Variants in MYH10 observed in about 807,000 individuals in gnomAD.
MYH10 encodes myosin heavy chain 10.
MYH10 carries 55 observed loss-of-function variants against 257.8 expected under a neutral mutation model. The ratio of observed to expected loss-of-function variants is 0.21; its 90% CI spans 0.17 to 0.27. MYH10 has a LOEUF of 0.27. Ranked by LOEUF, MYH10 falls within the 10% of genes least tolerant of loss-of-function variation. The pLI is 1.00. For synonymous variants in MYH10, 854 were observed against 921.7 expected, an observed-to-expected ratio of 0.93 and a Z score of 1.33; for missense variants, 1,631 against 2,500.6, an observed-to-expected ratio of 0.65 and a Z score of 7.42.
intron 14 of MYH10, among the ~76,000 whole-genome samples, chr17:8,541,599 T>G (rs2082289517): frequency 6.6e-6 from 1 of 151,780 alleles, no homozygotes; most frequent in Non-Finnish European, 1.5e-5. Flanking sequence ...TTTCTGATGC[T>G]TTCTAAGATT....
In MYH10 at chr17:8,498,806, C is replaced by T. The variant is rs542835167; in HGVS notation, c.3951+464G>A. ...GAGGGTGCAGTGAGCAGAGATTGCG[C>T]CACTGCACTCCAGCCTGGGCAACAG... On this transcript the variant is annotated intron_variant, in intron 30 of 42. Transcript: ENST00000360416. Among the ~76,000 whole-genome samples, 352 of 152,148 alleles carry T rather than the reference C, an allele frequency of 2.3e-3. 1 individual carries two copies. Among genetic ancestry groups the T allele is most frequent in the Non-Finnish European group, 9.9e-4 (67 of 68,006 alleles).
At chr17:8,623,537 A>C (rs1056042157) in intron 1 of MYH10, 1 of 204,808 alleles carries the variant, frequency 4.9e-6, no homozygotes, top group African/African-American at 2.3e-5. Context: ...AAGAAAAGGC[A>C]AAGTTACAAG....
In MYH10 at chr17:8,604,189, TCACGTAG is replaced by T. The variant is rs560396100; in HGVS notation, c.502+630_502+636del. 6.4e-3 allele frequency among the ~76,000 whole-genome samples: 972 copies of T among 152,320 alleles called. 7 individuals carry two copies. Among genetic ancestry groups the T allele is most frequent in the African/African-American group, 0.022 (928 of 41,576 alleles). ...AGAGTTATTACAGAAGATTGGGTTT[TCACGTAG>T]CACCAGGAACTCCCATGTTTAAATG... is the stretch of plus-strand genomic sequence containing the variant. On this transcript the variant is annotated intron_variant, in intron 3 of 42. Coordinates refer to ENST00000360416, the MANE Select transcript of MYH10 (RefSeq NM_001256012.3).
rs773020148 is a variant in MYH10, at chr17:8,487,575, T to C, written c.4904A>G (p.Glu1635Gly). 4 of 1,614,158 alleles carry C rather than the reference T, an allele frequency of 2.5e-6. No individual in the cohort carries two copies. Among genetic ancestry groups the C allele is most frequent in the Admixed American group, 3.3e-5 (2 of 60,018 alleles). ...LIKQVRELEA[E>G]LEDERKQRAL... The stretch of plus-strand genomic sequence containing the variant: ...CCGCTGTTTCCTCTCATCCTCCAGC[T>C]CCGCCTCGAGCTCCCGCACCTAATG... Residue 1635 changes from glutamate to glycine, a missense_variant, in exon 36 of 43, where the codon GAG becomes GGG. Glu to Gly is a moderately conservative substitution (Grantham distance 98). Coordinates refer to ENST00000360416, the MANE Select transcript of MYH10 (RefSeq NM_001256012.3).
At chr17:8,565,060 T>C (rs754809971) in intron 7 of MYH10, among the ~76,000 whole-genome samples, 1 of 152,192 alleles carries the variant, frequency 6.6e-6, no homozygotes, top group Admixed American at 6.5e-5. Context: ...ATTGCTTTTA[T>C]TTTAAGTTTA....
rs190619960 is a variant in MYH10 at position 8,488,545 on chromosome 17, T to C, written c.4885-951A>G. On this transcript the variant is annotated intron_variant, in intron 35 of 42. Transcript: ENST00000360416. ...TAATAAATACCTGCACCCTATGTAG[T>C]GCAGTAGCAGCTGGAGGCTCAGCGA... Among the ~76,000 whole-genome samples, 47 of 152,348 alleles carry C rather than the reference T, an allele frequency of 3.1e-4. 1 individual carries two copies. The highest frequency in any genetic ancestry group is 2.3e-3 in the Admixed American group (35 of 15,302).
In MYH10 at chr17:8,539,373, A is replaced by G. The variant is rs186431984; in HGVS notation, c.1605+2734T>C. Reference sequence around the variant, plus strand: ...CATCCACGCCTGTAATACCTTCCACAACACTGCCAGCCTACTTTGTGGCCT... The same window carrying G: ...CATCCACGCCTGTAATACCTTCCACGACACTGCCAGCCTACTTTGTGGCCT... On this transcript the variant is annotated intron_variant, in intron 14 of 42. Transcript: ENST00000360416. 1.8e-3 allele frequency among the ~76,000 whole-genome samples: 275 copies of G among 152,284 alleles called. 4 individuals are homozygous for G. Among genetic ancestry groups the G allele is most frequent in the African/African-American group, 6.5e-3 (269 of 41,558 alleles).
intron 35 of MYH10, among the ~76,000 whole-genome samples, chr17:8,489,706 AAAACACACACACACACACACAC>A (rs1275693748): frequency 2.7e-5 from 3 of 112,886 alleles, no homozygotes; most frequent in South Asian, 2.7e-4. Context: ...TCCGTCTGAA[AAAACACACACACACACACACAC>A]ACACACACAC....
chr17:8,493,838 C>A lies in MYH10; in HGVS notation c.4104G>T (p.Arg1368=). 2 of 1,613,950 alleles carry A rather than the reference C, an allele frequency of 1.2e-6. No individual in the cohort carries two copies. Among genetic ancestry groups the A allele is most frequent in the Non-Finnish European group, 1.7e-6 (2 of 1,179,894 alleles). The change falls in exon 32 of 43, where the codon CGG becomes CGT. Residue 1368 remains arginine (R), a synonymous_variant. Coordinates refer to ENST00000360416, the MANE Select transcript of MYH10 (RefSeq NM_001256012.3). The stretch of plus-strand genomic sequence containing the variant: ...TCTTCTCCTCTTCCAGCTGCCGGAT[C>A]CGACTGCTCAGGTTTAGTTTCTGGC... ...ETRQKLNLSS[R]IRQLEEEKNS... is the part of the protein sequence containing the mutation.
At chr17:8,564,972 C>A (rs1475108584) in intron 7 of MYH10, among the ~76,000 whole-genome samples, 6 of 152,168 alleles carry the variant, frequency 3.9e-5, no homozygotes, top group Admixed American at 6.5e-5. Flanking sequence ...GTTTAACCAA[C>A]AGGATTCACT....
chr17:8,492,836 G>A lies in MYH10; in HGVS notation c.4398C>T (p.Asp1466=), dbSNP rs778237588. The A allele has an allele frequency of 1.9e-6, 3 of 1,614,048 alleles. No individual in the cohort carries two copies. The highest frequency in any genetic ancestry group is 1.7e-5 in the Admixed American group (1 of 60,022). ...LQQELDDLTV[D]LDHQRQVASN... ...AGGCGACCTGGCGCTGGTGGTCCAG[G>A]TCCACCGTGAGGTCGTCCAGCTCCT... is the stretch of plus-strand genomic sequence containing the variant. Residue 1466 remains aspartate, a synonymous_variant, in exon 33 of 43, where the codon GAC becomes GAT. Coordinates refer to ENST00000360416, the MANE Select transcript of MYH10 (RefSeq NM_001256012.3).
intron 7 of MYH10, chr17:8,560,783 C>G: frequency 1.7e-6 from 1 of 600,106 alleles, no homozygotes; most frequent in South Asian, 1.4e-5. Context: ...AAATGCTGGC[C>G]CGACACAAAT....
chr17:8,554,127 G>C lies in MYH10; in HGVS notation c.757-109C>G, dbSNP rs939472729. ...TATCCATGAATTAGTTACAATAATG[G>C]ATCTTATATATTGCCTCAAACAAAA... On this transcript the variant is annotated intron_variant, in intron 7 of 42. Transcript: ENST00000360416. The C allele has an allele frequency of 3.1e-5, 22 of 710,740 alleles. No individual in the cohort carries two copies. The Admixed American group carries it at 4.3e-4, about 14-fold the overall frequency. The allele number at this position is 710,740 out of a possible 1,614,324, so 44.0% of individuals were successfully genotyped here.
intron 7 of MYH10, among the ~76,000 whole-genome samples, chr17:8,559,355 T>C (rs1356522509): frequency 1.3e-5 from 2 of 152,226 alleles, no homozygotes; most frequent in African/African-American, 4.8e-5. Flanking sequence ...CCTACAAAGA[T>C]GGTTTCTCTA....
intron 2 of MYH10, among the ~76,000 whole-genome samples, chr17:8,612,585 T>C (rs2085083148): frequency 6.6e-6 from 1 of 152,184 alleles, no homozygotes; most frequent in Non-Finnish European, 1.5e-5. Context: ...GTGCGGTGGC[T>C]CACACCTGTA....
At chr17:8,481,094 TCAGCAGGAC>T in intron 38 of MYH10, among the ~76,000 whole-genome samples, 2 of 2,494 alleles carry the variant, frequency 8.0e-4, no homozygotes, top group Non-Finnish European at 5.1e-3. Context: ...TGTGCAGGGC[TCAGCAGGAC>T]TGGCACGGGT....
At position 8,577,252 on chromosome 17, in the gene MYH10, T is replaced by C. The variant is rs1397033877; in HGVS notation, c.617A>G (p.Lys206Arg). The C allele has an allele frequency of 2.5e-6, 4 of 1,610,026 alleles. No individual in the cohort carries two copies. Among genetic ancestry groups the C allele is most frequent in the Admixed American group, 3.3e-5 (2 of 59,940 alleles). ...GAAACTTACAGGAATATTATGGTCC[T>C]TTCTTCCTTTATGTGAAGAAGCAAC... is the stretch of plus-strand genomic sequence containing the variant. ...AHVASSHKGR[K>R]DHNIPQESPK... The change falls in exon 5 of 43, where the codon AAG (lysine) becomes AGG (arginine). Residue 206 changes from lysine (K) to arginine (R), a missense_variant. By Grantham distance (26) the Lys-to-Arg change is conservative. Transcript: ENST00000360416.
At chr17:8,492,130 A>C (rs1242036362) in intron 34 of MYH10, among the ~76,000 whole-genome samples, 167 bp downstream of exon 34, 1 of 152,116 alleles carries the variant, frequency 6.6e-6, no homozygotes, top group Non-Finnish European at 1.5e-5. Flanking sequence ...GAAGACCTGA[A>C]CCCCGTACGC....
intron 4 of MYH10, among the ~76,000 whole-genome samples, chr17:8,581,779 A>G (rs1312375621): frequency 2.0e-5 from 3 of 152,220 alleles, no homozygotes; most frequent in African/African-American, 7.2e-5. Context: ...GTCCACTCAT[A>G]TATTCATCCA....
Sources: allele counts gnomAD v4.1 joint callset (sites outside exome capture counted in the v4.1 genomes callset), GRCh38; gene constraint gnomAD v4.1.1; transcripts MANE v1.5; gene names NCBI Gene and HGNC (gene_info 2026-07-23, HGNC 2026-07-21).